The following RUNX2 variants were observed in gnomAD, a reference collection of about 807,000 sequenced individuals.
The protein encoded by RUNX2 is runt-related transcription factor 2.
RUNX2 carries 10 observed loss-of-function variants against 51.7 expected under a neutral mutation model. The observed-to-expected ratio is 0.19, with a 90% CI of 0.12 to 0.33. The LOEUF is 0.33. RUNX2 is among the 10% of genes least tolerant of loss of function. The pLI is 1.00. For missense variants in RUNX2, 562 were observed against 691.3 expected (o/e 0.81, Z 2.10); for synonymous variants, 276 against 273.6 (o/e 1.01, Z -0.09).
chr6:45,370,722 C>T (rs1490938177), intron 2 of RUNX2, among the ~76,000 whole-genome samples: 1 of 152,144 alleles, frequency 6.6e-6, no homozygotes, highest in Non-Finnish European at 1.5e-5. Flanking sequence ...CATCCTTTCT[C>T]TCTGGATGAT....
chr6:45,537,649 T>C (rs1376761579), intron 7 of RUNX2, among the ~76,000 whole-genome samples: 1 of 152,178 alleles, frequency 6.6e-6, no homozygotes, highest in East Asian at 1.9e-4. Flanking sequence ...CTGTGGCTAT[T>C]CCATCACTTA....
At chr6:45,462,378 T>C (rs1799501583) in intron 5 of RUNX2, among the ~76,000 whole-genome samples, 2 of 152,208 alleles carry the variant, frequency 1.3e-5, no homozygotes, top group African/African-American at 4.8e-5. Flanking sequence ...ATCGATAGTC[T>C]TATAGGTCTT....
chr6:45,529,779 T>G (rs917845292), intron 7 of RUNX2, among the ~76,000 whole-genome samples: 1 of 152,190 alleles, frequency 6.6e-6, no homozygotes, highest in African/African-American at 2.4e-5. Context: ...GGTAGTTTAT[T>G]GAAAAGAGGC....
rs545707520 is a variant in RUNX2 at position 45,398,175 on chromosome 6, G to A, written c.59-24418G>A. On this transcript the variant is annotated intron_variant, in intron 2 of 8. Transcript: ENST00000647337. ...TTCACTGCTTTCAGTGTGCACTTAG[G>A]AAAGTTACTTAGCCTGTTTATTAGG... Among the ~76,000 whole-genome samples the A allele has an allele frequency of 7.9e-5, 12 of 152,296 alleles. No homozygotes were observed. In the East Asian group the frequency reaches 1.7e-3, roughly 22 times the overall value.
intron 2 of RUNX2, among the ~76,000 whole-genome samples, chr6:45,393,192 G>A (rs1797508441): frequency 1.3e-5 from 2 of 152,054 alleles, no homozygotes; most frequent in Non-Finnish European, 1.5e-5. Context: ...CTATATCTGA[G>A]TCTGGTTCTG....
Position 45,328,784 on chromosome 6 carries a change from G to A in RUNX2, c.58G>A (p.Asp20Asn), listed in dbSNP as rs776156260. 1 of 1,611,764 alleles carries A rather than the reference G, an allele frequency of 6.2e-7. No homozygotes were observed. Among genetic ancestry groups the A allele is most frequent in the Non-Finnish European group, 8.5e-7 (1 of 1,178,472 alleles). ...ACCATGTCAGCAAAACTTCTTTTGG[G>A]GTAAGTGTTACCATTTTTAAAATCC... ...VTPCQQNFFWDPSTSRRFSPP... is the reference protein window; with the variant it reads ...VTPCQQNFFWNPSTSRRFSPP... The change falls in exon 2 of 9, where the codon GAT becomes AAT. Residue 20 changes from aspartate (D) to asparagine (N), a missense_variant and splice_region_variant. By Grantham distance (23) the Asp-to-Asn change is conservative. Coordinates refer to ENST00000647337, the MANE Select transcript of RUNX2 (RefSeq NM_001024630.4).
In RUNX2 at chr6:45,512,360, G is replaced by A; in HGVS notation, c.974G>A (p.Arg325Gln). The A allele has an allele frequency of 1.2e-6, 2 of 1,614,024 alleles. No individual in the cohort carries two copies. Among genetic ancestry groups the A allele is most frequent in the South Asian group, 2.2e-5 (2 of 91,086 alleles). The change falls in exon 7 of 9, where the codon CGG (arginine) becomes CAG (glutamine). Residue 325 changes from arginine to glutamine, a missense_variant. By Grantham distance (43) the Arg-to-Gln change is conservative (BLOSUM62 1). This residue lies in a region of RUNX2 where 304 missense variants were observed against 353.2 expected (regional missense o/e 0.86). Coordinates refer to ENST00000647337, the MANE Select transcript of RUNX2 (RefSeq NM_001024630.4). ...TCTACCACCCCGCTGTCTTCCACACGGGGCACTGGGCTTCCTGCCATCACC... is the reference window on the plus strand; with the variant it reads ...TCTACCACCCCGCTGTCTTCCACACAGGGCACTGGGCTTCCTGCCATCACC... Reference protein sequence around the residue: ...IHSTTPLSSTRGTGLPAITDV... With the variant: ...IHSTTPLSSTQGTGLPAITDV...
At chr6:45,534,150 C>T (rs1407589976) in intron 7 of RUNX2, among the ~76,000 whole-genome samples, 2 of 152,096 alleles carry the variant, frequency 1.3e-5, no homozygotes, top group Non-Finnish European at 2.9e-5. Flanking sequence ...CTGCCTGGGC[C>T]TCCCAAAGTG....
At chr6:45,381,205 A>T (rs1385963782) in intron 2 of RUNX2, among the ~76,000 whole-genome samples, 1 of 152,188 alleles carries the variant, frequency 6.6e-6, no homozygotes, top group African/African-American at 2.4e-5. Flanking sequence ...TCTGACCAAA[A>T]AGATTACTCA....
chr6:45,543,303 C>T (rs1240687448), intron 7 of RUNX2, among the ~76,000 whole-genome samples: 1 of 152,200 alleles, frequency 6.6e-6, no homozygotes, highest in Non-Finnish European at 1.5e-5. Context: ...ATAGCACTCT[C>T]AACTTCTCCA....
At chr6:45,390,945 ACT>A (rs1797457029) in intron 2 of RUNX2, among the ~76,000 whole-genome samples, 2 of 152,066 alleles carry the variant, frequency 1.3e-5, no homozygotes, top group East Asian at 1.9e-4. Context: ...TTGGCTTTAG[ACT>A]CTCTTCCCTC....
At position 45,523,630 on chromosome 6, in the gene RUNX2, GA is replaced by G. The variant is rs200746438; in HGVS notation, c.1021+11226del. Among the ~76,000 whole-genome samples the G allele has an allele frequency of 4.2e-3, 638 of 151,486 alleles. 4 individuals are homozygous for G. Among genetic ancestry groups the G allele is most frequent in the African/African-American group, 0.014 (582 of 41,390 alleles). On this transcript the variant is annotated intron_variant, in intron 7 of 8. Coordinates refer to ENST00000647337, the MANE Select transcript of RUNX2 (RefSeq NM_001024630.4). ...TAACATGCAGAAATAGTTATAAGGG[GA>G]AATCTTAGAAAATAGATAACTAGGC...
intron 2 of RUNX2, among the ~76,000 whole-genome samples, chr6:45,408,447 A>G (rs1304364250): frequency 6.6e-6 from 1 of 152,136 alleles, no homozygotes; most frequent in Non-Finnish European, 1.5e-5. Context: ...CAGGTCTTGC[A>G]GGAGTACCTG....
intron 2 of RUNX2, among the ~76,000 whole-genome samples, chr6:45,347,154 T>C (rs961484348): frequency 6.6e-6 from 1 of 152,176 alleles, no homozygotes; most frequent in Non-Finnish European, 1.5e-5. Flanking sequence ...TTTACATGTA[T>C]CATATTAAGA....
rs147125149 is a variant in RUNX2, at chr6:45,343,569, A to G, written c.58+14785A>G. Among the ~76,000 whole-genome samples, 650 of 152,288 alleles carry G rather than the reference A, an allele frequency of 4.3e-3. 4 individuals carry two copies. Among genetic ancestry groups the G allele is most frequent in the African/African-American group, 0.015 (611 of 41,558 alleles). On this transcript the variant is annotated intron_variant, in intron 2 of 8. Coordinates refer to ENST00000647337, the MANE Select transcript of RUNX2 (RefSeq NM_001024630.4). ...GATTAAGAGAGAAGGTCCTATGTACATAACTCTCTCTTGTAAAAAATGCCT... is the reference window on the plus strand; with the variant it reads ...GATTAAGAGAGAAGGTCCTATGTACGTAACTCTCTCTTGTAAAAAATGCCT...
intron 2 of RUNX2, among the ~76,000 whole-genome samples, chr6:45,341,833 C>T (rs1429903304): frequency 6.6e-6 from 1 of 152,100 alleles, no homozygotes; most frequent in Non-Finnish European, 1.5e-5. Context: ...GATAATTCAT[C>T]GCTTTTAGTT....
chr6:45,468,570 G>C lies in RUNX2; in HGVS notation c.686-23371G>C, dbSNP rs187118349. Among the ~76,000 whole-genome samples, 396 of 152,206 alleles carry C rather than the reference G, an allele frequency of 2.6e-3. 4 individuals are homozygous for C. Among genetic ancestry groups the C allele is most frequent in the African/African-American group, 8.9e-3 (368 of 41,540 alleles). On this transcript the variant is annotated intron_variant, in intron 5 of 8. Coordinates refer to ENST00000647337, the MANE Select transcript of RUNX2 (RefSeq NM_001024630.4). ...TGAAGCTCCTAATGAAACAAAATAT[G>C]CTTTGTCTTTGGTTTCTAGATGGTT... is the stretch of plus-strand genomic sequence containing the variant.
chr6:45,340,149 C>T (rs1789451633), intron 2 of RUNX2, among the ~76,000 whole-genome samples: 1 of 152,128 alleles, frequency 6.6e-6, no homozygotes, highest in Non-Finnish European at 1.5e-5. Context: ...GGTGTTAGTT[C>T]TCAGAAACAT....
intron 7 of RUNX2, among the ~76,000 whole-genome samples, chr6:45,544,927 G>C (rs1380955056): frequency 6.6e-6 from 1 of 152,192 alleles, no homozygotes; most frequent in African/African-American, 2.4e-5. Context: ...GGAGGAATAG[G>C]TAGAGGCTAG....
Sources: gnomAD v4.1 joint callset for allele counts (sites outside exome capture counted in the v4.1 genomes callset) on GRCh38, gnomAD v4.1.1 for gene constraint, gnomAD v4.1.1 regional missense constraint, MANE v1.5 for transcripts, NCBI Gene and HGNC (gene_info 2026-07-23, HGNC 2026-07-21) for gene names.